Variants in CCSER1 observed in about 807,000 individuals in gnomAD.
CCSER1 encodes coiled-coil serine rich protein 1, also known as serine-rich coiled-coil domain-containing protein 1.
In CCSER1, 41 loss-of-function variants were observed where a neutral mutation model predicts 82.0. That is an observed-to-expected ratio of 0.50 (90% confidence interval 0.39 to 0.65). The LOEUF (loss-of-function observed/expected upper bound fraction) is 0.65. CCSER1 is among the 30% of genes least tolerant of loss of function. The pLI is 0.00. For missense variants in CCSER1, 1,119 were observed against 1,064.2 expected (o/e 1.05, Z -0.72); for synonymous variants, 414 against 383.9 (o/e 1.08, Z -0.92).
chr4:90,613,617 A>G (rs147194845), intron 5 of CCSER1, among the ~76,000 whole-genome samples: 189 of 152,308 alleles, frequency 1.2e-3, no homozygotes, highest in African/African-American at 4.3e-3. Flanking sequence ...TACTTTGCCT[A>G]AATTCATCAG....
At chr4:91,165,871 A>G (rs1054643071) in intron 10 of CCSER1, among the ~76,000 whole-genome samples, 3 of 152,180 alleles carry the variant, frequency 2.0e-5, no homozygotes, top group African/African-American at 7.2e-5. Flanking sequence ...GAAATCCCCC[A>G]ACCCATTGTG....
intron 6 of CCSER1, among the ~76,000 whole-genome samples, chr4:90,685,094 A>G (rs1230996476): frequency 1.3e-5 from 2 of 152,176 alleles, no homozygotes; most frequent in East Asian, 3.9e-4. Flanking sequence ...TTGATCTGCA[A>G]GTCACAGAAA....
chr4:90,702,989 C>T (rs562083860), intron 6 of CCSER1, among the ~76,000 whole-genome samples: 209 of 152,192 alleles, frequency 1.4e-3, no homozygotes, highest in African/African-American at 3.7e-3. Context: ...CTGCTCTGAT[C>T]TTAGTTATTT....
At chr4:90,157,006 T>C (rs986004468) in intron 1 of CCSER1, among the ~76,000 whole-genome samples, 3 of 152,246 alleles carry the variant, frequency 2.0e-5, no homozygotes, top group African/African-American at 7.2e-5. Context: ...TTGCAGTGGC[T>C]GGTACCTGTT....
At chr4:90,383,391 A>G (rs1449402912) in intron 3 of CCSER1, among the ~76,000 whole-genome samples, 1 of 152,210 alleles carries the variant, frequency 6.6e-6, no homozygotes, top group Non-Finnish European at 1.5e-5. Flanking sequence ...TCACAGGCCA[A>G]TAGGTGAGTT....
chr4:90,724,737 G>C, intron 7 of CCSER1: 1 of 322,786 alleles, frequency 3.1e-6, no homozygotes, highest in Admixed American at 4.1e-5. Context: ...ACTGATTTCA[G>C]TATAGTTTGG....
intron 5 of CCSER1, among the ~76,000 whole-genome samples, chr4:90,596,373 A>T (rs1022918275): frequency 1.3e-5 from 2 of 151,860 alleles, no homozygotes; most frequent in Non-Finnish European, 2.9e-5. Flanking sequence ...CATTATGGTG[A>T]AGTAAAAATA....
chr4:90,502,463 G>T (rs1770041851), intron 5 of CCSER1, among the ~76,000 whole-genome samples: 1 of 152,152 alleles, frequency 6.6e-6, no homozygotes, highest in South Asian at 2.1e-4. Flanking sequence ...CATGAGATTT[G>T]TGTGGGTGCA....
chr4:91,417,430 T>G (rs927319095), intron 10 of CCSER1, among the ~76,000 whole-genome samples: 1 of 152,084 alleles, frequency 6.6e-6, no homozygotes, highest in Non-Finnish European at 1.5e-5. Flanking sequence ...AGCAAAGATA[T>G]TGAATCAACC....
chr4:90,150,940 C>T (rs1726721712), intron 1 of CCSER1, among the ~76,000 whole-genome samples: 1 of 152,044 alleles, frequency 6.6e-6, no homozygotes, highest in Admixed American at 6.6e-5. Context: ...TAAAATATTA[C>T]TAAAATCTTT....
chr4:90,926,409 A>G (rs527312083), intron 9 of CCSER1, among the ~76,000 whole-genome samples: 4 of 152,162 alleles, frequency 2.6e-5, no homozygotes, highest in East Asian at 1.9e-4. Context: ...GTATCAGAAT[A>G]TATGATACTA....
intron 10 of CCSER1, among the ~76,000 whole-genome samples, chr4:91,179,737 T>A (rs2149026753): frequency 6.6e-6 from 1 of 152,330 alleles, no homozygotes; most frequent in Non-Finnish European, 1.5e-5. Flanking sequence ...TTCTTTGCGA[T>A]GGGTTTGAAC....
chr4:91,149,281 T>C (rs982508312), intron 10 of CCSER1, among the ~76,000 whole-genome samples: 11 of 152,214 alleles, frequency 7.2e-5, no homozygotes, highest in Non-Finnish European at 1.6e-4. Flanking sequence ...AAATGTCTTC[T>C]TTGGAGAAGT....
chr4:91,390,223 G>GT (rs577339695), intron 10 of CCSER1, among the ~76,000 whole-genome samples: 96 of 151,508 alleles, frequency 6.3e-4, no homozygotes, highest in Non-Finnish European at 1.1e-3. Flanking sequence ...TTTGATAAGA[G>GT]TTTTTTTTAA....
At chr4:91,165,299 C>T (rs6857017) in intron 10 of CCSER1, among the ~76,000 whole-genome samples, 149,838 of 152,310 alleles carry the variant, frequency 0.98, 73,711 homozygotes, top group East Asian at 1. Flanking sequence ...ACAGCAAATA[C>T]TGCTGCCTGA....
At chr4:90,500,433 G>T (rs1396487673) in intron 5 of CCSER1, among the ~76,000 whole-genome samples, 1 of 151,952 alleles carries the variant, frequency 6.6e-6, no homozygotes, top group Non-Finnish European at 1.5e-5. Flanking sequence ...CCAGGATCAA[G>T]TGACTCTGGT....
At chr4:91,421,424 G>C (rs1207927790) in intron 10 of CCSER1, among the ~76,000 whole-genome samples, 2 of 152,160 alleles carry the variant, frequency 1.3e-5, no homozygotes, top group Admixed American at 6.5e-5. Context: ...ACAGTGGCCA[G>C]AGTATGTGTA....
intron 9 of CCSER1, among the ~76,000 whole-genome samples, chr4:90,937,964 A>T (rs1731159488): frequency 1.3e-5 from 2 of 152,228 alleles, no homozygotes; most frequent in South Asian, 4.1e-4. Flanking sequence ...AGTATGGCTC[A>T]TCCTTTCATA....
chr4:90,188,691 C>A (rs185509957), intron 1 of CCSER1, among the ~76,000 whole-genome samples: 1 of 151,792 alleles, frequency 6.6e-6, no homozygotes, highest in Non-Finnish European at 1.5e-5. Flanking sequence ...ACTTAGCAGG[C>A]GCATCTAGAA....
Sources: allele counts gnomAD v4.1 joint callset (sites outside exome capture counted in the v4.1 genomes callset), GRCh38; gene constraint gnomAD v4.1.1; transcripts MANE v1.5; gene names NCBI Gene and HGNC (gene_info 2026-07-23, HGNC 2026-07-21).